PCDHGB6: variants seen among roughly 807,000 people sequenced by gnomAD.
The protein encoded by PCDHGB6 is protocadherin gamma-B6.
In PCDHGB6, 51 loss-of-function variants were observed where a neutral mutation model predicts 59.1. That is an observed-to-expected ratio of 0.86 (90% confidence interval 0.69 to 1.09). The LOEUF is 1.09. Ranked by LOEUF, PCDHGB6 falls within the 50% of genes least tolerant of loss-of-function variation. The pLI is 0.00. For missense variants in PCDHGB6, 1,148 were observed against 1,205.1 expected (o/e 0.95, Z 0.70); for synonymous variants, 466 against 495.1 (o/e 0.94, Z 0.78).
Position 141,410,441 on chromosome 5 carries a change from A to T in PCDHGB6, c.2239A>T (p.Thr747Ser). ...AGTTCCCCCCAACTACAGTGAGGGGACTTTGCCTTATTCTTATAATCTGTG... is the reference window on the plus strand; with the variant it reads ...AGTTCCCCCCAACTACAGTGAGGGGTCTTTGCCTTATTCTTATAATCTGTG... The part of the protein sequence containing the change: ...PVVPPNYSEG[T>S]LPYSYNLCIA... Residue 747 changes from threonine to serine, a missense_variant, in exon 1 of 4, where the codon ACT (threonine) becomes TCT (serine). This residue lies in a region of PCDHGB6 where 283 missense variants were observed against 318.6 expected (regional missense o/e 0.89). Transcript: ENST00000520790. 2 of 1,613,946 alleles carry T rather than the reference A, an allele frequency of 1.2e-6. 1 individual carries two copies. The highest frequency in any genetic ancestry group is 2.2e-5 in the South Asian group (2 of 91,074).
chr5:141,409,883 C>CGGGTGCTGTACCCAGCTCT lies in PCDHGB6; in HGVS notation c.1686_1704dup (p.Pro569AlafsTer8). The CGGGTGCTGTACCCAGCTCT allele has an allele frequency of 6.2e-7, 1 of 1,612,988 alleles. No homozygotes were observed. The highest frequency in any genetic ancestry group is 8.5e-7 in the Non-Finnish European group (1 of 1,179,606). The stretch of plus-strand genomic sequence containing the variant: ...GGGAGACCGCAATGACAACGCACCG[C>CGGGTGCTGTACCCAGCTCT]GGGTGCTGTACCCAGCTCTGGGTCC... On this transcript the variant is annotated frameshift_variant, in exon 1 of 4. Coordinates refer to ENST00000520790, the MANE Select transcript of PCDHGB6 (RefSeq NM_018926.3). LOFTEE classifies it high-confidence loss of function.
chr5:141,464,053 T>C (rs111614367), intron 1 of PCDHGB6, among the ~76,000 whole-genome samples: 9,857 of 152,054 alleles, frequency 0.065, 668 homozygotes, highest in African/African-American at 0.17. Flanking sequence ...TCACCTGAGG[T>C]CAGGAGTTCA....
At chr5:141,470,815 G>A (rs891225908) in intron 1 of PCDHGB6, among the ~76,000 whole-genome samples, 1 of 151,980 alleles carries the variant, frequency 6.6e-6, no homozygotes, top group African/African-American at 2.4e-5. Flanking sequence ...AGCCTTCTGA[G>A]TAGTTAGGAC....
At position 141,491,023 on chromosome 5, in the gene PCDHGB6, G is replaced by A. The variant is rs773185039; in HGVS notation, c.2419-3784G>A. 17 of 1,613,990 alleles carry A rather than the reference G, an allele frequency of 1.1e-5. No individual in the cohort carries two copies. Among genetic ancestry groups the A allele is most frequent in the Admixed American group, 5.0e-5 (3 of 60,008 alleles). ...CTCCTTGGTCACCAAGGTGACAGCC[G>A]TGGATGCTGATGCAGGCCACAATGC... On this transcript the variant is annotated intron_variant, in intron 1 of 3. Coordinates refer to ENST00000520790, the MANE Select transcript of PCDHGB6 (RefSeq NM_018926.3). The surrounding 1 kb of genome is among the most constrained non-coding windows in gnomAD (Gnocchi z 6.9).
chr5:141,414,657 C>T (rs1313928067), intron 1 of PCDHGB6: 1 of 1,614,004 alleles, frequency 6.2e-7, no homozygotes, highest in Admixed American at 1.7e-5. Context: ...TTATTTACTC[C>T]CTGGCTGAAG....
chr5:141,410,073 G>T lies in PCDHGB6; in HGVS notation c.1871G>T (p.Gly624Val). Reference protein sequence around the residue: ...PGLFSLGLRTGEVRTARALGD... With the variant: ...PGLFSLGLRTVEVRTARALGD... ...CTCTTCAGCCTGGGGCTGCGCACTG[G>T]GGAGGTGCGCACGGCTCGAGCCTTA... Residue 624 changes from glycine (G) to valine (V), a missense_variant, in exon 1 of 4, where the codon GGG becomes GTG. Transcript: ENST00000520790. The T allele has an allele frequency of 6.2e-7, 1 of 1,612,940 alleles. No homozygotes were observed. The highest frequency in any genetic ancestry group is 1.1e-5 in the South Asian group (1 of 91,048).
At chr5:141,416,993 C>T (rs1230909560) in intron 1 of PCDHGB6, 1 of 151,494 alleles carries the variant, frequency 6.6e-6, no homozygotes, top group Non-Finnish European at 1.5e-5. Context: ...ATTGTGCATT[C>T]ATCTCAAATA....
intron 1 of PCDHGB6, chr5:141,419,105 C>G: frequency 6.2e-7 from 1 of 1,613,918 alleles, no homozygotes; most frequent in Non-Finnish European, 8.5e-7. Context: ...GGAGCAGACC[C>G]CAGAGTACAA....
rs1363449 is a variant in PCDHGB6, at chr5:141,413,826, C to T, written c.2418+3206C>T. On this transcript the variant is annotated intron_variant, in intron 1 of 3. Coordinates refer to ENST00000520790, the MANE Select transcript of PCDHGB6 (RefSeq NM_018926.3). ...AGGCCATTCACCACCTGGTCCTCAC[C>T]GCCTCCGACGGGGGTGACCCTCTCC... 4,050 of 1,613,180 alleles carry T rather than the reference C, an allele frequency of 2.5e-3. 115 individuals are homozygous for T. In the African/African-American group the frequency reaches 0.047, roughly 19 times the overall value.
chr5:141,449,283 A>C (rs937339676), intron 1 of PCDHGB6, among the ~76,000 whole-genome samples: 1 of 152,102 alleles, frequency 6.6e-6, no homozygotes, highest in African/African-American at 2.4e-5. Flanking sequence ...CTTCACCCGG[A>C]TGCACCGGGT....
intron 1 of PCDHGB6, chr5:141,415,308 C>A: frequency 6.2e-7 from 1 of 1,614,236 alleles, no homozygotes; most frequent in Non-Finnish European, 8.5e-7. Context: ...TCCTGGCCTT[C>A]GTCATCGTGC....
Position 141,422,740 on chromosome 5 carries a change from T to C in PCDHGB6, c.2418+12120T>C, listed in dbSNP as rs536737009. The C allele has an allele frequency of 2.7e-5, 43 of 1,609,962 alleles. 1 individual carries two copies. In the South Asian group the frequency reaches 4.8e-4, roughly 18 times the overall value. On this transcript the variant is annotated intron_variant, in intron 1 of 3. Transcript: ENST00000520790. ...TGTCCAGGGGGTGCCTCTGTCCTCC[T>C]ATGTCTCTATTAACTCCAACACTGG... is the stretch of plus-strand genomic sequence containing the variant.
chr5:141,435,026 C>A (rs977017371), intron 1 of PCDHGB6, among the ~76,000 whole-genome samples: 4 of 151,978 alleles, frequency 2.6e-5, no homozygotes, highest in Non-Finnish European at 5.9e-5. Context: ...GCTCTTTTCC[C>A]ACTTTTATTT....
Position 141,432,502 on chromosome 5 carries a change from C to T in PCDHGB6, c.2418+21882C>T. On this transcript the variant is annotated intron_variant, in intron 1 of 3. Transcript: ENST00000520790. This position sits in a 1 kb window ranked among gnomAD's most constrained non-coding sequence, Gnocchi z 6.0. ...CTGGCGTGGAGCTGGCTCCCCGCTC[C>T]GCAGAGCCCGGCTACCTGGTGACCA... 6.2e-7 allele frequency: 1 copy of T among 1,614,142 alleles called. No individual in the cohort carries two copies. The highest frequency in any genetic ancestry group is 8.5e-7 in the Non-Finnish European group (1 of 1,180,042).
chr5:141,478,678 C>T (rs3805695), intron 1 of PCDHGB6: 273,671 of 1,551,084 alleles, frequency 0.18, 26,385 homozygotes, highest in African/African-American at 0.39. Context: ...TTCAACTGGC[C>T]CTTCCTAGAT....
rs780541121 is a variant in PCDHGB6 at position 141,477,533 on chromosome 5, G to A, written c.2419-17274G>A. ...TTACATTGAAGAAAACAACCTCCCCGGGGCTCCAATACTAAACCTAAGTGT... is the reference window on the plus strand; with the variant it reads ...TTACATTGAAGAAAACAACCTCCCCAGGGCTCCAATACTAAACCTAAGTGT... On this transcript the variant is annotated intron_variant, in intron 1 of 3. Coordinates refer to ENST00000520790, the MANE Select transcript of PCDHGB6 (RefSeq NM_018926.3). This position sits in a 1 kb window ranked among gnomAD's most constrained non-coding sequence, Gnocchi z 4.9. The A allele has an allele frequency of 6.2e-7, 1 of 1,614,010 alleles. No individual in the cohort carries two copies. The highest frequency in any genetic ancestry group is 1.1e-5 in the South Asian group (1 of 91,066).
intron 1 of PCDHGB6, chr5:141,418,575 C>T (rs2154547779): frequency 6.2e-7 from 1 of 1,614,018 alleles, no homozygotes; most frequent in East Asian, 2.2e-5. Context: ...AATGACAACC[C>T]CCCAGTGTTC....
chr5:141,476,205 C>G lies in PCDHGB6; in HGVS notation c.2419-18602C>G. ...CTGCTTGGTGCCTTGAACAAGGCTT[C>G]CACGGTCATTCACTATGAGATCCCG... On this transcript the variant is annotated intron_variant, in intron 1 of 3. Transcript: ENST00000520790. The surrounding 1 kb of genome is among the most constrained non-coding windows in gnomAD (Gnocchi z 7.6). 1 of 1,613,892 alleles carries G rather than the reference C, an allele frequency of 6.2e-7. No homozygotes were observed. Among genetic ancestry groups the G allele is most frequent in the Non-Finnish European group, 8.5e-7 (1 of 1,180,012 alleles).
chr5:141,492,077 C>G (rs917149790), intron 1 of PCDHGB6: 1 of 483,342 alleles, frequency 2.1e-6, no homozygotes, highest in African/African-American at 2.0e-5. Context: ...GGCGCCGGCT[C>G]CGGCACGCTT....
Sources: allele counts gnomAD v4.1 joint callset (sites outside exome capture counted in the v4.1 genomes callset), GRCh38; gene constraint gnomAD v4.1.1; regional missense constraint gnomAD v4.1.1; non-coding constraint Gnocchi (gnomAD v3.1); transcripts MANE v1.5; gene names NCBI Gene and HGNC (gene_info 2026-07-23, HGNC 2026-07-21).